The following STRA8 variants were observed in gnomAD, a reference collection of about 807,000 sequenced individuals.
The protein encoded by STRA8 is stimulated by retinoic acid gene 8 protein homolog.
Under a neutral mutation model 37.1 loss-of-function variants are expected in STRA8, and 18 were observed. The ratio of observed to expected loss-of-function variants is 0.48; its 90% confidence interval spans 0.34 to 0.72. The LOEUF (loss-of-function observed/expected upper bound fraction) is 0.72, where lower values mean the gene tolerates loss of function less well. Among genes scored for constraint, STRA8 ranks in the 30% least tolerant of loss-of-function variants. STRA8 has a pLI of 0.01. For synonymous variants in STRA8, 168 were observed against 162.9 expected (o/e 1.03, Z -0.24); for missense variants, 357 against 410.4 (o/e 0.87, Z 1.13).
At chr7:135,233,556 G>A (rs111993220), upstream of STRA8, among the ~76,000 whole-genome samples, 30 of 152,272 alleles carry the variant, frequency 2.0e-4, no homozygotes, top group Admixed American at 5.9e-4. Flanking sequence ...CATGAAGGCT[G>A]TGTGGAGCCC....
intron 7 of STRA8, 24 bp from the exon 8 acceptor site, chr7:135,255,090 C>T (rs779069859): frequency 1.5e-5 from 23 of 1,583,364 alleles, no homozygotes; most frequent in Non-Finnish European, 1.7e-5. Flanking sequence ...ATATTTGTTG[C>T]CTTTTCTTCC....
chr7:135,243,591 C>G (rs2117799393), intron 4 of STRA8, among the ~76,000 whole-genome samples, 181 bp downstream of exon 4: 1 of 152,268 alleles, frequency 6.6e-6, no homozygotes, highest in East Asian at 1.9e-4. Flanking sequence ...CAACATGCAT[C>G]AATTTTTTCC....
intron 8 of STRA8, 66 bp downstream of exon 8, chr7:135,255,291 A>G: frequency 8.0e-7 from 1 of 1,255,608 alleles, no homozygotes; most frequent in South Asian, 1.2e-5. Flanking sequence ...AGGGCTCTTA[A>G]GGGCAGCCCT....
At chr7:135,254,465 G>T (rs894680072) in intron 7 of STRA8, among the ~76,000 whole-genome samples, 4 of 152,180 alleles carry the variant, frequency 2.6e-5, no homozygotes, top group Non-Finnish European at 5.9e-5. Flanking sequence ...GGCTCTTAGC[G>T]GGCATTCCTA....
At chr7:135,251,930 G>A in intron 7 of STRA8, 61 bp downstream of exon 7, 1 of 1,513,408 alleles carries the variant, frequency 6.6e-7, no homozygotes, top group East Asian at 2.3e-5. Context: ...GATTGTGTGT[G>A]CGCAGGTGTG....
At chr7:135,248,440 A>G (rs1174960088) in intron 6 of STRA8, among the ~76,000 whole-genome samples, 1 of 152,026 alleles carries the variant, frequency 6.6e-6, no homozygotes, top group Admixed American at 6.6e-5. Context: ...GCAGTGGCTC[A>G]CACCTGTAAT....
In STRA8 at chr7:135,250,296, G is replaced by T. The variant is rs1056133799; in HGVS notation, c.880-1500G>T. On this transcript the variant is annotated intron_variant, in intron 6 of 8. Coordinates refer to ENST00000662584, the MANE Select transcript of STRA8 (RefSeq NM_001394401.1). ...CAGGTGAGCACAATGTGTGGCCTGC[G>T]ACTTTGGTGGGCTGATTGCTTAAGG... is the stretch of plus-strand genomic sequence containing the variant. Among the ~76,000 whole-genome samples the T allele has an allele frequency of 2.6e-5, 4 of 152,170 alleles. No homozygotes were observed. The East Asian group carries it at 7.7e-4, about 29-fold the overall frequency.
chr7:135,234,553 C>T (rs1785618516), intron 1 of STRA8, among the ~76,000 whole-genome samples: 1 of 152,126 alleles, frequency 6.6e-6, no homozygotes, highest in Admixed American at 6.5e-5. Context: ...TGGACTGATG[C>T]TTAAAAATGA....
At chr7:135,253,963 C>A (rs1174204844) in intron 7 of STRA8, among the ~76,000 whole-genome samples, 3 of 152,212 alleles carry the variant, frequency 2.0e-5, no homozygotes, top group African/African-American at 7.2e-5. Context: ...GCTGGCCTTT[C>A]AGCAGAGCTT....
In STRA8 at chr7:135,246,967, C is replaced by T. The variant is rs1207459908; in HGVS notation, c.879+265C>T. On this transcript the variant is annotated intron_variant, in intron 6 of 8. Coordinates refer to ENST00000662584, the MANE Select transcript of STRA8 (RefSeq NM_001394401.1). This position sits in a 1 kb window ranked among gnomAD's most constrained non-coding sequence, Gnocchi z 5.4. ...TCACCTCATTCTCCTGCCTCAGCCT[C>T]CCGAATAGCTGGGACTACAGGCGCC... Among the ~76,000 whole-genome samples, 1 of 152,216 alleles carries T rather than the reference C, an allele frequency of 6.6e-6. No homozygotes were observed. The highest frequency in any genetic ancestry group is 2.1e-4 in the South Asian group (1 of 4,822).
rs1019889241 is a variant in STRA8, at chr7:135,245,366, G to A, written c.432G>A (p.Glu144=). ...AGGCAGTCAGGAAGGATGCTGAGGA[G>A]GAGGAAGATGAGGAAGAGGAAGATC... ...PTEAVRKDAE[E]EEDEEEEDQE... The change falls in exon 5 of 9, where the codon GAG becomes GAA. Residue 144 remains glutamate (E), a synonymous_variant. Transcript: ENST00000662584. The A allele has an allele frequency of 5.1e-6, 4 of 780,522 alleles. No homozygotes were observed. Among genetic ancestry groups the A allele is most frequent in the African/African-American group, 5.1e-5 (3 of 59,072 alleles). The allele number at this position is 780,522 out of a possible 1,614,324, so 48.3% of individuals were successfully genotyped here.
chr7:135,232,333 G>C (rs1832305194), upstream of STRA8, among the ~76,000 whole-genome samples: 1 of 151,936 alleles, frequency 6.6e-6, no homozygotes, highest in Non-Finnish European at 1.5e-5. Flanking sequence ...AGGGAGTGGG[G>C]GTGGAGTGGG....
At chr7:135,242,967 G>A in intron 3 of STRA8, 111 bp downstream of exon 3, 1 of 1,164,756 alleles carries the variant, frequency 8.6e-7, no homozygotes, top group South Asian at 1.4e-5. Context: ...ATTTATTGAG[G>A]GCCTACTGTG....
intron 6 of STRA8, among the ~76,000 whole-genome samples, chr7:135,250,766 A>G (rs534315351): frequency 1.1e-4 from 17 of 152,400 alleles, no homozygotes; most frequent in Admixed American, 2.0e-4. Flanking sequence ...CGTCCCATGC[A>G]TGATTCAAAA....
At chr7:135,239,008 C>A (rs1246191536) in intron 1 of STRA8, among the ~76,000 whole-genome samples, 1 of 152,166 alleles carries the variant, frequency 6.6e-6, no homozygotes, top group African/African-American at 2.4e-5. Flanking sequence ...CTGCCCTGTT[C>A]CAAAAAGCAA....
At chr7:135,251,411 T>G (rs1162519923) in intron 6 of STRA8, among the ~76,000 whole-genome samples, 1 of 152,134 alleles carries the variant, frequency 6.6e-6, no homozygotes, top group Non-Finnish European at 1.5e-5. Context: ...ACAGCTAGAC[T>G]GGGGACCCTG....
At chr7:135,242,489 C>A (rs546016516) in intron 2 of STRA8, among the ~76,000 whole-genome samples, 1 of 152,338 alleles carries the variant, frequency 6.6e-6, no homozygotes, top group East Asian at 1.9e-4. Context: ...CACCTTCAAG[C>A]CGCCTCTGTA....
chr7:135,232,974 G>C (rs540141932), upstream of STRA8, among the ~76,000 whole-genome samples: 14 of 152,316 alleles, frequency 9.2e-5, 2 homozygotes, highest in South Asian at 2.5e-3. Flanking sequence ...GCCCTGAGCC[G>C]GGCACTTCAA....
intron 8 of STRA8, 23 bp from the exon 9 acceptor site, chr7:135,258,395 C>T (rs374743682): frequency 1.9e-6 from 3 of 1,582,308 alleles, no homozygotes; most frequent in Non-Finnish European, 2.6e-6. Context: ...AAAAGTGACC[C>T]TCTTCCACCC....
Sources: gnomAD v4.1 joint callset for allele counts (sites outside exome capture counted in the v4.1 genomes callset) on GRCh38, gnomAD v4.1.1 for gene constraint, Gnocchi (gnomAD v3.1) non-coding constraint, MANE v1.5 for transcripts, NCBI Gene and HGNC (gene_info 2026-07-23, HGNC 2026-07-21) for gene names.